ATP11A: variants seen among roughly 807,000 people sequenced by gnomAD.
ATP11A encodes phospholipid-transporting ATPase IH.
ATP11A carries 81 observed loss-of-function variants against 154.4 expected under a neutral mutation model. That is an observed-to-expected ratio of 0.52 (90% CI 0.44 to 0.63). ATP11A has a LOEUF of 0.63. Ranked by LOEUF, ATP11A falls within the 30% of genes least tolerant of loss-of-function variation. ATP11A has a pLI of 0.00. For missense variants in ATP11A, 1,316 were observed against 1,474.3 expected, an observed-to-expected ratio of 0.89 and a Z score of 1.76; for synonymous variants, 623 against 585.9, an observed-to-expected ratio of 1.06 and a Z score of -0.91.
chr13:112,780,298 C>G (rs1486502395), intron 1 of ATP11A, among the ~76,000 whole-genome samples: 1 of 151,970 alleles, frequency 6.6e-6, no homozygotes, highest in Non-Finnish European at 1.5e-5. Context: ...CAGAGGCGGT[C>G]GGCAGCCACC....
At chr13:112,881,445 G>A (rs898968507) in intron 29 of ATP11A, 19 of 1,065,280 alleles carry the variant, frequency 1.8e-5, no homozygotes, top group East Asian at 8.1e-5. Flanking sequence ...TCTGGGTACC[G>A]GTATGGCGTT....
rs765871532 is a variant in ATP11A at position 112,860,476 on chromosome 13, G to A, written c.2855+62G>A. 140 of 1,595,792 alleles carry A rather than the reference G, an allele frequency of 8.8e-5. 1 individual carries two copies. Among genetic ancestry groups the A allele is most frequent in the Non-Finnish European group, 1.2e-4 (140 of 1,167,722 alleles). On this transcript the variant is annotated intron_variant, in intron 24 of 29. Transcript: ENST00000375645. Reference sequence around the variant, plus strand: ...AGAGTAACTAGGCAGCACTCTGGCAGTTCCTTCCAATAGCCACCTGGCAGA... The same window carrying A: ...AGAGTAACTAGGCAGCACTCTGGCAATTCCTTCCAATAGCCACCTGGCAGA...
intron 1 of ATP11A, among the ~76,000 whole-genome samples, chr13:112,773,499 T>TC (rs1484299804): frequency 6.6e-6 from 1 of 152,150 alleles, no homozygotes; most frequent in Non-Finnish European, 1.5e-5. Flanking sequence ...CAGGAGTCCT[T>TC]CCCCACTCTC....
intron 1 of ATP11A, among the ~76,000 whole-genome samples, chr13:112,694,296 AGTCCGTTT>A (rs1270732875): frequency 6.6e-6 from 1 of 152,322 alleles, no homozygotes; most frequent in East Asian, 1.9e-4. Flanking sequence ...GGAAGCTCTC[AGTCCGTTT>A]GTCATGCCTG....
intron 29 of ATP11A, chr13:112,878,557 G>C: frequency 1.8e-6 from 1 of 563,568 alleles, no homozygotes; most frequent in Non-Finnish European, 3.2e-6. Context: ...GAACCCACCT[G>C]TGTGAGGGTT....
chr13:112,789,152 G>A (rs536484204), intron 2 of ATP11A, among the ~76,000 whole-genome samples: 51 of 149,378 alleles, frequency 3.4e-4, no homozygotes, highest in African/African-American at 1.2e-3. Flanking sequence ...AATTCACACC[G>A]AGTGTCCTGA....
intron 29 of ATP11A, chr13:112,880,738 G>C: frequency 2.6e-6 from 3 of 1,173,276 alleles, no homozygotes; most frequent in South Asian, 1.6e-5. Flanking sequence ...TGCTGTCTTT[G>C]ATAACAAAGG....
chr13:112,734,712 G>T (rs1431259363), intron 1 of ATP11A, among the ~76,000 whole-genome samples: 1 of 152,178 alleles, frequency 6.6e-6, no homozygotes, highest in African/African-American at 2.4e-5. Flanking sequence ...CAGTGATACT[G>T]TTTTTCTCGA....
intron 5 of ATP11A, among the ~76,000 whole-genome samples, chr13:112,814,240 G>A (rs889211191): frequency 4.0e-5 from 6 of 151,772 alleles, no homozygotes; most frequent in Admixed American, 1.3e-4. Flanking sequence ...ATTTTTTAGT[G>A]TTAGTAGAGA....
intron 6 of ATP11A, 66 bp downstream of exon 6, chr13:112,816,277 C>A: frequency 1.3e-6 from 2 of 1,594,564 alleles, no homozygotes; most frequent in Non-Finnish European, 1.7e-6. Context: ...TGTGCCCATG[C>A]GGCCACAGAA....
intron 1 of ATP11A, among the ~76,000 whole-genome samples, chr13:112,772,993 A>G (rs1458060486): frequency 6.6e-6 from 1 of 152,150 alleles, no homozygotes; most frequent in African/African-American, 2.4e-5. Context: ...ATGAAAGCCC[A>G]AGAACCCTGA....
chr13:112,847,111 G>A (rs1191658891), intron 17 of ATP11A, among the ~76,000 whole-genome samples: 1 of 152,208 alleles, frequency 6.6e-6, no homozygotes, highest in African/African-American at 2.4e-5. Flanking sequence ...CTCCGGCTAC[G>A]TTCCCCTGCC....
intron 1 of ATP11A, among the ~76,000 whole-genome samples, chr13:112,726,731 A>T (rs1324670372): frequency 6.6e-6 from 1 of 152,242 alleles, no homozygotes; most frequent in Non-Finnish European, 1.5e-5. Context: ...CAGGAGCAGA[A>T]AATTAGTGGT....
chr13:112,761,924 T>G (rs1173032035), intron 1 of ATP11A, among the ~76,000 whole-genome samples: 1 of 152,142 alleles, frequency 6.6e-6, no homozygotes. Context: ...CCAGGGACAT[T>G]TTGGCCAAGC....
chr13:112,715,143 T>G (rs1226030111), intron 1 of ATP11A, among the ~76,000 whole-genome samples: 1 of 152,170 alleles, frequency 6.6e-6, no homozygotes, highest in Non-Finnish European at 1.5e-5. Flanking sequence ...GCTCACACAT[T>G]CACCTGTTGA....
chr13:112,826,658 G>C (rs1163037847), intron 11 of ATP11A, 36 bp from the exon 12 acceptor site: 4 of 1,584,298 alleles, frequency 2.5e-6, no homozygotes, highest in African/African-American at 1.3e-5. Context: ...TGTCCCTCCT[G>C]GTGGAGGTGC....
In ATP11A at chr13:112,690,377, G is replaced by C. The variant is rs1489712444; in HGVS notation, c.-40G>C. ...CCCATGGGCGCGCCGAGCCGGGCGC[G>C]GGGGCGCTGAACGGCGGAGCGGGAG... On this transcript the variant is annotated 5_prime_UTR_variant, in exon 1 of 30. Transcript: ENST00000375645. The surrounding 1 kb of genome is among the most constrained non-coding windows in gnomAD (Gnocchi z 5.6). 2.4e-6 allele frequency: 3 copies of C among 1,261,092 alleles called. No homozygotes were observed. Among genetic ancestry groups the C allele is most frequent in the Middle Eastern group, 3.0e-4 (1 of 3,380 alleles). The allele number at this position is 1,261,092 out of a possible 1,614,324, so 78.1% of individuals were successfully genotyped here.
At chr13:112,732,957 G>C (rs1890646447) in intron 1 of ATP11A, among the ~76,000 whole-genome samples, 1 of 152,198 alleles carries the variant, frequency 6.6e-6, no homozygotes, top group Non-Finnish European at 1.5e-5. Flanking sequence ...TTAGGTGGCA[G>C]GTGTTGAATT....
intron 1 of ATP11A, among the ~76,000 whole-genome samples, chr13:112,768,544 A>G (rs1309452335): frequency 6.6e-6 from 1 of 152,164 alleles, no homozygotes; most frequent in East Asian, 1.9e-4. Flanking sequence ...TATATATTCA[A>G]TATTTTGGAA....
Sources: allele counts gnomAD v4.1 joint callset (sites outside exome capture counted in the v4.1 genomes callset), GRCh38; gene constraint gnomAD v4.1.1; non-coding constraint Gnocchi (gnomAD v3.1); transcripts MANE v1.5; gene names NCBI Gene and HGNC (gene_info 2026-07-23, HGNC 2026-07-21).